PRELID2: variants seen among roughly 807,000 people sequenced by gnomAD.
PRELID2 encodes the protein PRELI domain containing 2.
In PRELID2, 25 loss-of-function variants were observed where a neutral mutation model predicts 28.4. The ratio of observed to expected loss-of-function variants is 0.88; its 90% confidence interval spans 0.64 to 1.23. PRELID2 has a LOEUF of 1.23. Among genes scored for constraint, PRELID2 ranks in the 50% most tolerant of loss-of-function variants. The pLI is 0.00. For synonymous variants in PRELID2, 76 were observed against 71.6 expected (o/e 1.06, Z -0.31); for missense variants, 201 against 214.4 (o/e 0.94, Z 0.39).
Position 145,664,387 on chromosome 5 carries a change from G to T in PRELID2, n.70+100544C>A, listed in dbSNP as rs545254454. 3.5e-4 allele frequency among the ~76,000 whole-genome samples: 54 copies of T among 152,218 alleles called. 1 individual carries two copies. Among genetic ancestry groups the T allele is most frequent in the South Asian group, 2.5e-3 (12 of 4,828 alleles). On this transcript the variant is annotated intron_variant and non_coding_transcript_variant, in intron 1 of 2. Transcript: ENST00000510259. ...TATACTAAGAAGCAGAATGAAGAAGGCCATCAGAACCTTAGCACCCAAGAA... is the reference window on the plus strand; with the variant it reads ...TATACTAAGAAGCAGAATGAAGAAGTCCATCAGAACCTTAGCACCCAAGAA...
the PRELID2 span, among the ~76,000 whole-genome samples, chr5:145,391,529 C>G: frequency 3.9e-5 from 6 of 152,140 alleles, no homozygotes; most frequent in Non-Finnish European, 7.3e-5. Flanking sequence ...TTTTTTCCAC[C>G]TAGGCTTCCA....
the PRELID2 span, among the ~76,000 whole-genome samples, chr5:145,425,254 A>G: frequency 6.6e-6 from 1 of 152,192 alleles, no homozygotes; most frequent in Admixed American, 6.5e-5. Context: ...AAGTCAAAAA[A>G]TAACATGCTG....
the PRELID2 span, among the ~76,000 whole-genome samples, chr5:145,364,384 T>C: frequency 0.067 from 10,248 of 152,070 alleles, 1,113 homozygotes; most frequent in African/African-American, 0.23. Flanking sequence ...CATGCCAGGA[T>C]ACATACTGAA....
At chr5:145,297,595 C>T in the PRELID2 span, among the ~76,000 whole-genome samples, 1 of 152,060 alleles carries the variant, frequency 6.6e-6, no homozygotes, top group South Asian at 2.1e-4. Context: ...TCCTATTCAA[C>T]ATAGTGTTGG....
the PRELID2 span, among the ~76,000 whole-genome samples, chr5:145,301,339 G>T: frequency 6.6e-6 from 1 of 151,994 alleles, no homozygotes; most frequent in Non-Finnish European, 1.5e-5. Flanking sequence ...TGAAGTGTCT[G>T]TTCAAGACAT....
chr5:145,255,033 C>T, the PRELID2 span, among the ~76,000 whole-genome samples: 3 of 152,052 alleles, frequency 2.0e-5, no homozygotes, highest in East Asian at 5.8e-4. Flanking sequence ...AACTAAATTG[C>T]TCCAACACAC....
In PRELID2 at chr5:145,653,178, T is replaced by A. The variant is rs1482167735; in HGVS notation, n.70+111753A>T. 2.0e-5 allele frequency among the ~76,000 whole-genome samples: 3 copies of A among 152,280 alleles called. No homozygotes were observed. The East Asian group carries it at 5.8e-4, about 29-fold the overall frequency. On this transcript the variant is annotated intron_variant and non_coding_transcript_variant, in intron 1 of 2. Transcript: ENST00000510259. ...AGGCCATTACATAATGGTAAAGGGA[T>A]CAATTCAACAAGAAGAGCTAACTAT...
chr5:145,396,158 GC>G, the PRELID2 span, among the ~76,000 whole-genome samples: 3 of 152,092 alleles, frequency 2.0e-5, no homozygotes, highest in African/African-American at 7.2e-5. Context: ...TGTTTACGAA[GC>G]TTTATATATA....
At chr5:145,742,820 G>A (rs1238777454) in intron 1 of PRELID2, among the ~76,000 whole-genome samples, 1 of 151,508 alleles carries the variant, frequency 6.6e-6, no homozygotes, top group Non-Finnish European at 1.5e-5. Flanking sequence ...TATTTGAAAA[G>A]ATCAATAAAA....
the PRELID2 span, among the ~76,000 whole-genome samples, chr5:145,415,615 AT>A: frequency 6.7e-6 from 1 of 150,084 alleles, no homozygotes; most frequent in African/African-American, 2.4e-5. Flanking sequence ...TGAACTCATC[AT>A]TTTTTATGGC....
At chr5:145,534,986 A>C (rs1407157793) in intron 1 of PRELID2, among the ~76,000 whole-genome samples, 1 of 152,004 alleles carries the variant, frequency 6.6e-6, no homozygotes, top group Non-Finnish European at 1.5e-5. Context: ...TTTGTCTGAC[A>C]GAGCCCTTGA....
At chr5:145,774,569 G>A (rs745826104) in intron 5 of PRELID2, among the ~76,000 whole-genome samples, 33 of 152,260 alleles carry the variant, frequency 2.2e-4, no homozygotes, top group African/African-American at 6.5e-4. Context: ...TGGGACTCCC[G>A]CAGTGAGGCA....
At chr5:145,366,776 CA>C in the PRELID2 span, among the ~76,000 whole-genome samples, 1 of 151,850 alleles carries the variant, frequency 6.6e-6, no homozygotes, top group African/African-American at 2.4e-5. Context: ...CAAACAAAAA[CA>C]AGTGGATGAC....
chr5:145,829,653 T>A (rs1224072732), intron 1 of PRELID2, among the ~76,000 whole-genome samples: 1 of 152,038 alleles, frequency 6.6e-6, no homozygotes, highest in African/African-American at 2.4e-5. Context: ...ATCCCTGTCT[T>A]CCCCACCCCA....
At chr5:145,393,987 T>C in the PRELID2 span, among the ~76,000 whole-genome samples, 1 of 152,198 alleles carries the variant, frequency 6.6e-6, no homozygotes, top group Non-Finnish European at 1.5e-5. Flanking sequence ...TTGGTGGGAC[T>C]GTAAACTAGT....
chr5:145,266,486 G>A, the PRELID2 span, among the ~76,000 whole-genome samples: 1 of 152,028 alleles, frequency 6.6e-6, no homozygotes, highest in African/African-American at 2.4e-5. Flanking sequence ...AAACCACCAT[G>A]TGATACCACC....
the PRELID2 span, among the ~76,000 whole-genome samples, chr5:145,308,956 G>A: frequency 6.6e-6 from 1 of 152,124 alleles, no homozygotes; most frequent in African/African-American, 2.4e-5. Context: ...ACTCCACTCA[G>A]AAGATAGAGC....
chr5:145,520,692 T>C (rs943387322), intron 1 of PRELID2, among the ~76,000 whole-genome samples: 1 of 152,174 alleles, frequency 6.6e-6, no homozygotes, highest in African/African-American at 2.4e-5. Context: ...CCTATAAATG[T>C]GTCGTAATTA....
chr5:145,600,144 G>A (rs1362088989), intron 1 of PRELID2, among the ~76,000 whole-genome samples: 3 of 151,988 alleles, frequency 2.0e-5, no homozygotes, highest in Non-Finnish European at 4.4e-5. Flanking sequence ...TTTCTAAAAA[G>A]CTAACAAAGT....
Sources: gnomAD v4.1 joint callset for allele counts (sites outside exome capture counted in the v4.1 genomes callset) on GRCh38, gnomAD v4.1.1 for gene constraint, MANE v1.5 for transcripts, NCBI Gene and HGNC (gene_info 2026-07-23, HGNC 2026-07-21) for gene names.